RYK: variants seen among roughly 807,000 people sequenced by gnomAD.
The protein encoded by RYK is receptor like tyrosine kinase, also known as inactive tyrosine-protein kinase RYK.
In RYK, 21 loss-of-function variants were observed where a neutral mutation model predicts 70.2. The observed-to-expected ratio is 0.30, with a 90% CI of 0.21 to 0.43. The LOEUF (loss-of-function observed/expected upper bound fraction) is 0.43. Ranked by LOEUF, RYK falls within the 20% of genes least tolerant of loss-of-function variation. The pLI is 1.00. For synonymous variants in RYK, 267 were observed against 278.0 expected (o/e 0.96, Z 0.39); for missense variants, 604 against 753.3 (o/e 0.80, Z 2.32).
At chr3:134,178,201 AT>A in intron 10 of RYK, 128 bp from the exon 11 acceptor site, 1 of 686,292 alleles carries the variant, frequency 1.5e-6, no homozygotes, top group Non-Finnish European at 2.3e-6. Context: ...ACCATTAAAA[AT>A]GTAAAATTAT....
chr3:134,195,008 T>C, intron 7 of RYK, 74 bp downstream of exon 7: 1 of 1,016,794 alleles, frequency 9.8e-7, no homozygotes, highest in African/African-American at 1.6e-5. Flanking sequence ...ACAAGTACAC[T>C]AACCATGCAA....
chr3:134,191,227 T>A (rs1213301915), intron 8 of RYK, among the ~76,000 whole-genome samples: 1 of 152,154 alleles, frequency 6.6e-6, no homozygotes, highest in Admixed American at 6.5e-5. Context: ...TACCCTCCAA[T>A]TCAAAAAGGA....
intron 1 of RYK, among the ~76,000 whole-genome samples, chr3:134,242,167 T>C (rs1053719420): frequency 6.6e-6 from 1 of 151,952 alleles, no homozygotes; most frequent in African/African-American, 2.4e-5. Flanking sequence ...TAGCTGGGAA[T>C]GGTGGTGGAC....
At chr3:134,242,091 G>A (rs956760334) in intron 1 of RYK, among the ~76,000 whole-genome samples, 3 of 152,150 alleles carry the variant, frequency 2.0e-5, no homozygotes, top group African/African-American at 7.2e-5. Context: ...GATCACCTGA[G>A]GTCAGGAGTT....
At chr3:134,191,151 T>C (rs1324839428) in intron 8 of RYK, among the ~76,000 whole-genome samples, 3 of 152,214 alleles carry the variant, frequency 2.0e-5, no homozygotes, top group Non-Finnish European at 4.4e-5. Context: ...TTTAACAACA[T>C]GAAGAGCTCA....
chr3:134,168,784 T>C (rs1042091432), intron 13 of RYK, among the ~76,000 whole-genome samples: 1 of 151,910 alleles, frequency 6.6e-6, no homozygotes, highest in African/African-American at 2.4e-5. Flanking sequence ...AATAAAATAA[T>C]AATAATAAGA....
intron 1 of RYK, 47 bp downstream of exon 1, chr3:134,250,376 C>G: frequency 8.0e-7 from 1 of 1,254,844 alleles, no homozygotes; most frequent in Non-Finnish European, 1.0e-6. Flanking sequence ...CGGAAGCTGC[C>G]CCAGCCGGCC....
At chr3:134,197,980 A>T (rs1426319282) in intron 6 of RYK, among the ~76,000 whole-genome samples, 3 of 152,226 alleles carry the variant, frequency 2.0e-5, no homozygotes, top group African/African-American at 7.2e-5. Context: ...TAAAATAAGC[A>T]AAGCACTATG....
At chr3:134,160,482 C>T (rs2012423513) in intron 13 of RYK, among the ~76,000 whole-genome samples, 1 of 151,870 alleles carries the variant, frequency 6.6e-6, no homozygotes, top group Non-Finnish European at 1.5e-5. Flanking sequence ...GTAAAATACA[C>T]AGATTTTTTT....
At chr3:134,193,076 T>C (rs550843578) in intron 7 of RYK, among the ~76,000 whole-genome samples, 3 of 152,316 alleles carry the variant, frequency 2.0e-5, no homozygotes, top group African/African-American at 7.2e-5. Flanking sequence ...TATATATATA[T>C]GTAGTAAGTA....
chr3:134,208,920 A>T (rs967652591), intron 4 of RYK, among the ~76,000 whole-genome samples: 13 of 151,522 alleles, frequency 8.6e-5, no homozygotes, highest in African/African-American at 3.2e-4. Flanking sequence ...TTTTTAAAGT[A>T]TATTTCCCCC....
chr3:134,189,529 G>A (rs1045008750), intron 8 of RYK, among the ~76,000 whole-genome samples: 1 of 152,066 alleles, frequency 6.6e-6, no homozygotes, highest in Middle Eastern at 3.2e-3. Context: ...GGGAGGCCGA[G>A]GCAGGCGGGT....
At chr3:134,242,494 T>C (rs989768123) in intron 1 of RYK, among the ~76,000 whole-genome samples, 2 of 152,248 alleles carry the variant, frequency 1.3e-5, no homozygotes, top group Non-Finnish European at 2.9e-5. Context: ...TTAGAAAATA[T>C]TGCACTTGAT....
intron 2 of RYK, among the ~76,000 whole-genome samples, chr3:134,216,563 C>T (rs1228389612): frequency 1.3e-5 from 2 of 151,810 alleles, no homozygotes; most frequent in African/African-American, 4.8e-5. Flanking sequence ...GAGGCTGAGG[C>T]GGGTGGATCA....
chr3:134,199,329 C>G (rs1035680817), intron 6 of RYK, among the ~76,000 whole-genome samples: 3 of 152,238 alleles, frequency 2.0e-5, no homozygotes, highest in Non-Finnish European at 2.9e-5. Context: ...TCCATCTAAC[C>G]TCACCAGACT....
chr3:134,240,072 A>G (rs1250441756), intron 1 of RYK, among the ~76,000 whole-genome samples: 1 of 152,232 alleles, frequency 6.6e-6, no homozygotes, highest in African/African-American at 2.4e-5. Context: ...ATACATTTAC[A>G]TATTTATAAA....
rs568730134 is a variant in RYK at position 134,168,251 on chromosome 3, C to T, written c.1575+7358G>A. Among the ~76,000 whole-genome samples the T allele has an allele frequency of 2.9e-3, 449 of 152,306 alleles. 1 individual carries two copies. Among genetic ancestry groups the T allele is most frequent in the African/African-American group, 0.01 (419 of 41,562 alleles). On this transcript the variant is annotated intron_variant, in intron 13 of 14. Coordinates refer to ENST00000623711, the MANE Select transcript of RYK (RefSeq NM_002958.4). ...ATCTAGAACTAGAAATACCATTTGA[C>T]CCAGCCATCCCATTACTGGGTATCT...
At chr3:134,168,765 A>G (rs2012785858) in intron 13 of RYK, among the ~76,000 whole-genome samples, 1 of 152,156 alleles carries the variant, frequency 6.6e-6, no homozygotes, top group African/African-American at 2.4e-5. Context: ...AACTTAAAGT[A>G]TAATAAAAAA....
At chr3:134,213,432 C>T (rs763847602) in intron 2 of RYK, among the ~76,000 whole-genome samples, 2 of 152,210 alleles carry the variant, frequency 1.3e-5, no homozygotes, top group African/African-American at 4.8e-5. Context: ...AGCAGTCATT[C>T]CAGAACAGCT....
Sources: gnomAD v4.1 joint callset for allele counts (sites outside exome capture counted in the v4.1 genomes callset) on GRCh38, gnomAD v4.1.1 for gene constraint, MANE v1.5 for transcripts, NCBI Gene and HGNC (gene_info 2026-07-23, HGNC 2026-07-21) for gene names.